The following KLHL11 variants were observed in gnomAD, a reference collection of about 807,000 sequenced individuals.
KLHL11 encodes the protein kelch-like protein 11.
KLHL11 carries 26 observed loss-of-function variants against 56.1 expected under a neutral mutation model. The ratio of observed to expected loss-of-function variants is 0.46; its 90% CI spans 0.34 to 0.64. The LOEUF (loss-of-function observed/expected upper bound fraction) is 0.64, where lower values mean the gene tolerates loss of function less well. Ranked by LOEUF, KLHL11 falls within the 30% of genes least tolerant of loss-of-function variation. The pLI, the probability that KLHL11 is intolerant of heterozygous loss-of-function variation, is 0.01. For missense variants in KLHL11, 627 were observed against 919.4 expected, an observed-to-expected ratio of 0.68 and a Z score of 4.11; for synonymous variants, 338 against 345.8, an observed-to-expected ratio of 0.98 and a Z score of 0.25.
intron 1 of KLHL11, among the ~76,000 whole-genome samples, chr17:41,863,186 T>C (rs1167219165): frequency 9.1e-4 from 94 of 103,240 alleles, no homozygotes; most frequent in African/African-American, 3.3e-3. Flanking sequence ...CCACATCCTT[T>C]GTTCTTTTTT....
chr17:41,861,686 C>CAAAAAAAAAAAAAA (rs71155178), intron 1 of KLHL11, among the ~76,000 whole-genome samples: 1 of 61,872 alleles, frequency 1.6e-5, no homozygotes, highest in Non-Finnish European at 2.9e-5. Context: ...ACTCTTGTCT[C>CAAAAAAAAAAAAAA]AAAAAAAAAA....
At position 41,850,782 on chromosome 17, in the gene KLHL11, T is replaced by TA. The variant is rs1310001509; in HGVS notation, c.*2957dup. 1 of 152,160 alleles carries TA rather than the reference T, an allele frequency of 6.6e-6. No homozygotes were observed. The allele number at this position is 152,160 out of a possible 1,614,324, so 9.4% of individuals were successfully genotyped here. A position where few individuals can be genotyped will look rare whatever the true frequency, so the allele number is the denominator to read the frequency against. ...GTAGTGGTGGGATGGGACAATATAA[T>TA]AATATATCCTTATATGTAGAAATAG... On this transcript the variant is annotated 3_prime_UTR_variant, in exon 2 of 2. Transcript: ENST00000319121.
Position 41,864,928 on chromosome 17 carries a change from C to T in KLHL11, c.443G>A (p.Gly148Glu). 6.2e-7 allele frequency: 1 copy of T among 1,610,988 alleles called. No homozygotes were observed. Among genetic ancestry groups the T allele is most frequent in the Non-Finnish European group, 8.5e-7 (1 of 1,178,998 alleles). Residue 148 changes from glycine (G) to glutamate (E), a missense_variant, in exon 1 of 2, where the codon GGG becomes GAG. By Grantham distance (98) the Gly-to-Glu change is moderately conservative. Transcript: ENST00000319121. Reference protein sequence around the residue: ...VEMRKWSSEPGPEPDTVEAVI... With the variant: ...VEMRKWSSEPEPEPDTVEAVI... Reference sequence around the variant, plus strand: ...GGCTTCCACTGTGTCGGGTTCGGGCCCCGGCTCGGAGCTCCACTTGCGCAT... The same window carrying T: ...GGCTTCCACTGTGTCGGGTTCGGGCTCCGGCTCGGAGCTCCACTTGCGCAT...
intron 1 of KLHL11, among the ~76,000 whole-genome samples, chr17:41,860,196 T>C (rs782092899): frequency 1.1e-4 from 16 of 152,120 alleles, no homozygotes; most frequent in Non-Finnish European, 2.2e-4. Flanking sequence ...TGCCCTGGGC[T>C]CCTAGTTTTA....
At position 41,855,197 on chromosome 17, in the gene KLHL11, C is replaced by A. The variant is rs782710009; in HGVS notation, c.670G>T (p.Ala224Ser). The part of the protein sequence containing the change: ...MYTLSQLALK[A>S]ADMIRRNFHK... ...AAATTTCTCCGTATCATATCAGCAG[C>A]CTTCAGAGCAAGTTGGCTCAGGGTG... The change falls in exon 2 of 2, where the codon GCT becomes TCT. Residue 224 changes from alanine to serine, a missense_variant. Transcript: ENST00000319121. The A allele has an allele frequency of 6.2e-7, 1 of 1,614,118 alleles. No homozygotes were observed. The highest frequency in any genetic ancestry group is 1.7e-5 in the Admixed American group (1 of 60,018).
rs2048313786 is a variant in KLHL11 at position 41,848,611 on chromosome 17, T to C, written c.*5129A>G. On this transcript the variant is annotated 3_prime_UTR_variant, in exon 2 of 2. Transcript: ENST00000319121. ...CTTCAGGAACATAAAACAAGCTATT[T>C]TACAATGTCATGTCTCAAGGTGTTC... is the stretch of plus-strand genomic sequence containing the variant. The C allele has an allele frequency of 3.5e-6, 1 of 289,068 alleles. No homozygotes were observed. Among genetic ancestry groups the C allele is most frequent in the East Asian group, 7.8e-5 (1 of 12,844 alleles). The allele number at this position is 289,068 out of a possible 1,614,324, so 17.9% of individuals were successfully genotyped here.
intron 1 of KLHL11, among the ~76,000 whole-genome samples, chr17:41,864,423 G>A (rs975286286): frequency 6.6e-6 from 1 of 152,158 alleles, no homozygotes; most frequent in Non-Finnish European, 1.5e-5. Flanking sequence ...TGCGCTGTCT[G>A]GAATATTCAT....
intron 1 of KLHL11, among the ~76,000 whole-genome samples, chr17:41,858,922 G>A (rs1311294982): frequency 2.6e-5 from 4 of 152,098 alleles, no homozygotes; most frequent in African/African-American, 9.7e-5. Flanking sequence ...GGGACTTTAT[G>A]GTATAAAGTA....
At chr17:41,863,663 T>C (rs1313979514) in intron 1 of KLHL11, among the ~76,000 whole-genome samples, 1 of 152,144 alleles carries the variant, frequency 6.6e-6, no homozygotes, top group Non-Finnish European at 1.5e-5. Context: ...GCTTCTCCTG[T>C]TCCTCTCATC....
chr17:41,854,178 T>C lies in KLHL11; in HGVS notation c.1689A>G (p.Ser563=). ...CTAAACAATAACTCTTGGGACAACA[T>C]GATGCTGTCTGATAAAAGTTTGAAT... ...VVNSNFYQTA[S]CCPKSYCLEN... Residue 563 remains serine (S), a synonymous_variant, in exon 2 of 2, where the codon TCA becomes TCG. Transcript: ENST00000319121. The surrounding 1 kb of genome is among the most constrained non-coding windows in gnomAD (Gnocchi z 4.9). 1 of 1,614,158 alleles carries C rather than the reference T, an allele frequency of 6.2e-7. No homozygotes were observed. The highest frequency in any genetic ancestry group is 8.5e-7 in the Non-Finnish European group (1 of 1,180,002).
In KLHL11 at chr17:41,853,562, G is replaced by T; in HGVS notation, c.*178C>A. 1 of 623,172 alleles carries T rather than the reference G, an allele frequency of 1.6e-6. No individual in the cohort carries two copies. Among genetic ancestry groups the T allele is most frequent in the African/African-American group, 1.9e-5 (1 of 53,476 alleles). 38.6% of individuals were successfully genotyped at this position (623,172 alleles called of 1,614,324 possible). A position where few individuals can be genotyped will look rare whatever the true frequency, so the allele number is the denominator to read the frequency against. On this transcript the variant is annotated 3_prime_UTR_variant, in exon 2 of 2. Transcript: ENST00000319121. ...GACAAAAATTGCAAGCTAACAAAAT[G>T]ACCATGTATTGAACTGAGTCTCCCA...
chr17:41,859,979 G>A (rs568219811), intron 1 of KLHL11, among the ~76,000 whole-genome samples: 2 of 152,220 alleles, frequency 1.3e-5, no homozygotes, highest in South Asian at 4.2e-4. Flanking sequence ...CATCAATTCA[G>A]GCCTCTCGCA....
Position 41,853,529 on chromosome 17 carries a change from A to AAACC in KLHL11, c.*207_*210dup. 3.8e-6 allele frequency: 2 copies of AAACC among 520,760 alleles called. No homozygotes were observed. The highest frequency in any genetic ancestry group is 6.4e-6 in the Non-Finnish European group (2 of 310,722). 32.3% of individuals were successfully genotyped at this position (520,760 alleles called of 1,614,324 possible). ...TCTTATTTAGCTAGCACAAACAAAC[A>AAACC]AACCAAAGACAAAAATTGCAAGCTA... On this transcript the variant is annotated 3_prime_UTR_variant, in exon 2 of 2. Coordinates refer to ENST00000319121, the MANE Select transcript of KLHL11 (RefSeq NM_018143.3).
At chr17:41,855,793 TC>T (rs2048361165) in intron 1 of KLHL11, among the ~76,000 whole-genome samples, 1 of 150,374 alleles carries the variant, frequency 6.7e-6, no homozygotes, top group Non-Finnish European at 1.5e-5. Flanking sequence ...TGCCTCAGCC[TC>T]CCAAGTAGCT....
chr17:41,859,286 A>G (rs9303317), intron 1 of KLHL11, among the ~76,000 whole-genome samples: 115,347 of 152,014 alleles, frequency 0.76, 44,027 homozygotes, highest in Admixed American at 0.85. Flanking sequence ...GGTTCAGGCC[A>G]GGTGCAGTGG....
intron 1 of KLHL11, among the ~76,000 whole-genome samples, chr17:41,864,374 C>T (rs146116097): frequency 1.3e-5 from 2 of 152,230 alleles, no homozygotes; most frequent in Non-Finnish European, 2.9e-5. Flanking sequence ...TATTTTAATT[C>T]TCTTCTCTAA....
rs966630949 is a variant in KLHL11 at position 41,857,689 on chromosome 17, G to A, written c.546-2368C>T. ...AGAGACAGGGTTTTGCTATGCTGCA[G>A]TGGCTGTTCACAGGTGCGATCACAG... On this transcript the variant is annotated intron_variant, in intron 1 of 1. Coordinates refer to ENST00000319121, the MANE Select transcript of KLHL11 (RefSeq NM_018143.3). 2.0e-5 allele frequency among the ~76,000 whole-genome samples: 3 copies of A among 152,054 alleles called. No individual in the cohort carries two copies. The South Asian group carries it at 6.2e-4, about 32-fold the overall frequency.
Position 41,855,062 on chromosome 17 carries a change from T to C in KLHL11, c.805A>G (p.Thr269Ala). 1.9e-6 allele frequency: 3 copies of C among 1,614,160 alleles called. No individual in the cohort carries two copies. Among genetic ancestry groups the C allele is most frequent in the Non-Finnish European group, 1.7e-6 (2 of 1,180,046 alleles). ...TTTCTCTGAACCCATTTCAAAACGG[T>C]TTCAAAGAGAACCTCTTCAGAATCA... is the stretch of plus-strand genomic sequence containing the variant. ...TVDSEEVLFETVLKWVQRNAE... is the reference protein window; with the variant it reads ...TVDSEEVLFEAVLKWVQRNAE... The change falls in exon 2 of 2, where the codon ACC becomes GCC. Residue 269 changes from threonine (T) to alanine (A), a missense_variant. Thr to Ala is a moderately conservative substitution (Grantham distance 58, BLOSUM62 0). This residue lies in a region of KLHL11 where 106 missense variants were observed against 227.0 expected (regional missense o/e 0.47). Transcript: ENST00000319121.
At position 41,865,335 on chromosome 17, in the gene KLHL11, CGCCGCCGCCGCCGCCGCCACT is replaced by C. The variant is rs1351104078; in HGVS notation, c.15_35del (p.Val6_Ala12del). The stretch of plus-strand genomic sequence containing the variant: ...GTACCTGAAGAGATGCAGCCGCGGC[CGCCGCCGCCGCCGCCGCCACT>C]GCCGCAGCCGCCATCTTGACGCCGC... On this transcript the variant is annotated inframe_deletion, in exon 1 of 2. Transcript: ENST00000319121. The C allele has an allele frequency of 4.4e-6, 6 of 1,372,504 alleles. No homozygotes were observed. Among genetic ancestry groups the C allele is most frequent in the Non-Finnish European group, 4.7e-6 (5 of 1,064,202 alleles). 85.0% of individuals were successfully genotyped at this position (1,372,504 alleles called of 1,614,324 possible). A position where few individuals can be genotyped will look rare whatever the true frequency, so the allele number is the denominator to read the frequency against.
Sources: allele counts gnomAD v4.1 joint callset (sites outside exome capture counted in the v4.1 genomes callset), GRCh38; gene constraint gnomAD v4.1.1; regional missense constraint gnomAD v4.1.1; non-coding constraint Gnocchi (gnomAD v3.1); transcripts MANE v1.5; gene names NCBI Gene and HGNC (gene_info 2026-07-23, HGNC 2026-07-21).